The following FAM89A variants were observed in gnomAD, a reference collection of about 807,000 sequenced individuals.
The protein encoded by FAM89A is protein FAM89A.
In FAM89A, 10 loss-of-function variants were observed where a neutral mutation model predicts 7.1. The ratio of observed to expected loss-of-function variants is 1.40; its 90% CI spans 0.86 to 2.38. The LOEUF is 2.38. FAM89A is among the 30% of genes most tolerant of loss of function. The pLI, the probability that FAM89A is intolerant of heterozygous loss-of-function variation, is 0.00. For missense variants in FAM89A, 276 were observed against 262.8 expected (o/e 1.05, Z -0.35); for synonymous variants, 157 against 129.3 (o/e 1.21, Z -1.45).
intron 1 of FAM89A, chr1:231,026,851 C>T (rs1679984337): frequency 6.6e-6 from 1 of 151,968 alleles, no homozygotes; most frequent in South Asian, 2.1e-4. Flanking sequence ...TAACTTTAAT[C>T]GAGAAAGCCA....
chr1:231,039,840 G>C, intron 1 of FAM89A, 81 bp downstream of exon 1: 2 of 1,244,592 alleles, frequency 1.6e-6, no homozygotes, highest in Non-Finnish European at 2.0e-6. Context: ...GGGGACTTCC[G>C]GACAGAGCGC....
intron 1 of FAM89A, among the ~76,000 whole-genome samples, chr1:231,038,478 C>A (rs187657221): frequency 6.6e-6 from 1 of 152,204 alleles, no homozygotes; most frequent in Non-Finnish European, 1.5e-5. Context: ...TCCTACTTCA[C>A]CCCCGTGGTT....
chr1:231,039,198 G>C (rs1462725121), intron 1 of FAM89A, among the ~76,000 whole-genome samples: 1 of 152,238 alleles, frequency 6.6e-6, no homozygotes, highest in Non-Finnish European at 1.5e-5. Context: ...CAAGCACAGA[G>C]AAACACTGAG....
chr1:231,022,920 C>T lies in FAM89A; in HGVS notation c.292-2794G>A, dbSNP rs1679904081. On this transcript the variant is annotated intron_variant, in intron 1 of 1. Transcript: ENST00000366654. ...CCCATTTCTGCCCACCAGTTGTTCT[C>T]AGGAACCTTACCCATGCTCCAGCGT... Among the ~76,000 whole-genome samples the T allele has an allele frequency of 3.3e-5, 4 of 120,230 alleles. No homozygotes were observed. The South Asian group carries it at 1.0e-3, about 30-fold the overall frequency. 78.9% of individuals were successfully genotyped at this position (120,230 alleles called of 152,430 possible).
At chr1:231,034,772 CAAAAAAAAAAAA>C (rs60902378) in intron 1 of FAM89A, among the ~76,000 whole-genome samples, 1 of 70,880 alleles carries the variant, frequency 1.4e-5, no homozygotes, top group African/African-American at 5.3e-5. Context: ...AACTCTGTCT[CAAAAAAAAAAAA>C]AAAAAAAAAA....
chr1:231,030,722 AC>A (rs1334936054), intron 1 of FAM89A, among the ~76,000 whole-genome samples: 1 of 152,182 alleles, frequency 6.6e-6, no homozygotes, highest in Non-Finnish European at 1.5e-5. Context: ...GTCTCCAAAC[AC>A]TCTAAAAAAT....
rs193117592 is a variant in FAM89A, at chr1:231,034,694, C to G, written c.291+5227G>C. Among the ~76,000 whole-genome samples the G allele has an allele frequency of 2.5e-3, 373 of 148,928 alleles. 2 individuals carry two copies. The highest frequency in any genetic ancestry group is 3.8e-3 in the Non-Finnish European group (255 of 67,728). On this transcript the variant is annotated intron_variant, in intron 1 of 1. Coordinates refer to ENST00000366654, the MANE Select transcript of FAM89A (RefSeq NM_198552.3). ...GGCTGAGGCAGGAGAATCACTTGAA[C>G]CCGGGAGGTGGAGGTTGTAGTGAGC...
chr1:231,025,495 C>T (rs537336205), intron 1 of FAM89A, among the ~76,000 whole-genome samples: 7 of 152,208 alleles, frequency 4.6e-5, no homozygotes, highest in Admixed American at 3.3e-4. Flanking sequence ...CAGGAGCAAA[C>T]TTTATTCAAT....
chr1:231,039,970 GC>G lies in FAM89A; in HGVS notation c.241del (p.Ala81ProfsTer145). 1 of 1,373,318 alleles carries G rather than the reference GC, an allele frequency of 7.3e-7. No homozygotes were observed. Among genetic ancestry groups the G allele is most frequent in the Non-Finnish European group, 9.3e-7 (1 of 1,071,736 alleles). The allele number at this position is 1,373,318 out of a possible 1,614,324, so 85.1% of individuals were successfully genotyped here. A position where few individuals can be genotyped will look rare whatever the true frequency, so the allele number is the denominator to read the frequency against. On this transcript the variant is annotated frameshift_variant, in exon 1 of 2. Transcript: ENST00000366654. LOFTEE classifies it low-confidence loss of function (END_TRUNC). ...GGGARAAALPAKPPNLDAALA... is the reference protein window; with the variant it reads ...GGGARAAALPXKPPNLDAALA... ...AGCGGCGTCCAGGTTGGGAGGCTTG[GC>G]GGGCAGCGCTGCCGCCCGGGCCCCG...
intron 1 of FAM89A, among the ~76,000 whole-genome samples, chr1:231,032,635 G>C (rs1680094580): frequency 6.6e-6 from 1 of 152,024 alleles, no homozygotes; most frequent in Non-Finnish European, 1.5e-5. Flanking sequence ...TTTTGTTTAT[G>C]TGAGCTATAC....
chr1:231,021,090 G>A (rs4431828), intron 1 of FAM89A, among the ~76,000 whole-genome samples: 40,859 of 152,152 alleles, frequency 0.27, 5,831 homozygotes, highest in Admixed American at 0.4. Context: ...CTGGATGGCT[G>A]TGCTTCCACC....
chr1:231,023,034 G>A (rs1679907181), intron 1 of FAM89A, among the ~76,000 whole-genome samples: 1 of 152,186 alleles, frequency 6.6e-6, no homozygotes, highest in Non-Finnish European at 1.5e-5. Context: ...TCCGGTGTTT[G>A]CCACACGCCC....
chr1:231,025,200 G>A (rs1679946996), intron 1 of FAM89A, among the ~76,000 whole-genome samples: 1 of 152,106 alleles, frequency 6.6e-6, no homozygotes, highest in Admixed American at 6.5e-5. Context: ...GGGATTACAG[G>A]CGTGAGCCAC....
intron 1 of FAM89A, among the ~76,000 whole-genome samples, chr1:231,025,244 G>C (rs952997319): frequency 2.6e-5 from 4 of 152,068 alleles, no homozygotes; most frequent in African/African-American, 9.7e-5. Flanking sequence ...CTTGACACCA[G>C]AATTTCTAAA....
At chr1:231,023,421 GAGGCCTTAC>G (rs1679913765) in intron 1 of FAM89A, among the ~76,000 whole-genome samples, 1 of 152,220 alleles carries the variant, frequency 6.6e-6, no homozygotes, top group African/African-American at 2.4e-5. Flanking sequence ...GCTAACGAGA[GAGGCCTTAC>G]AGTGCCGGCA....
intron 1 of FAM89A, among the ~76,000 whole-genome samples, chr1:231,028,256 C>T (rs61826684): frequency 0.41 from 62,629 of 151,992 alleles, 15,485 homozygotes; most frequent in Non-Finnish European, 0.54. Flanking sequence ...ACCACTGAGT[C>T]CCCGCGTGCC....
At chr1:231,021,293 T>C (rs1397523206) in intron 1 of FAM89A, among the ~76,000 whole-genome samples, 2 of 152,250 alleles carry the variant, frequency 1.3e-5, no homozygotes, top group Non-Finnish European at 2.9e-5. Context: ...ATGGAGCTAT[T>C]AGGGCAATTC....
At chr1:231,029,661 G>A (rs1036251745) in intron 1 of FAM89A, among the ~76,000 whole-genome samples, 1 of 152,138 alleles carries the variant, frequency 6.6e-6, no homozygotes, top group Non-Finnish European at 1.5e-5. Context: ...TCTCAGCAGT[G>A]GTATAGCAAC....
chr1:231,038,154 C>T (rs1680190917), intron 1 of FAM89A, among the ~76,000 whole-genome samples: 1 of 152,200 alleles, frequency 6.6e-6, no homozygotes, highest in South Asian at 2.1e-4. Flanking sequence ...AGGAACTTGT[C>T]AAAACCTGCA....
Sources: gnomAD v4.1 joint callset for allele counts (sites outside exome capture counted in the v4.1 genomes callset) on GRCh38, gnomAD v4.1.1 for gene constraint, MANE v1.5 for transcripts, NCBI Gene and HGNC (gene_info 2026-07-23, HGNC 2026-07-21) for gene names.